RBFOX2: variants seen among roughly 807,000 people sequenced by gnomAD.
RBFOX2 encodes the protein RNA binding fox-1 homolog 2, also known as RNA binding protein fox-1 homolog 2.
RBFOX2 carries 10 observed loss-of-function variants against 49.1 expected under a neutral mutation model. The ratio of observed to expected loss-of-function variants is 0.20; its 90% CI spans 0.13 to 0.35. RBFOX2 has a LOEUF of 0.35. Among genes scored for constraint, RBFOX2 ranks in the 10% least tolerant of loss-of-function variants. RBFOX2 has a pLI of 1.00. For missense variants in RBFOX2, 323 were observed against 486.9 expected (o/e 0.66, Z 3.17); for synonymous variants, 183 against 187.4 (o/e 0.98, Z 0.19).
At chr22:35,868,134 C>T (rs991780168) in intron 1 of RBFOX2, among the ~76,000 whole-genome samples, 1 of 152,050 alleles carries the variant, frequency 6.6e-6, no homozygotes, top group Non-Finnish European at 1.5e-5. Context: ...AAACCTGAGC[C>T]CAGAAAGTTG....
chr22:35,990,957 G>A (rs1253694558), intron 1 of RBFOX2, among the ~76,000 whole-genome samples: 2 of 151,958 alleles, frequency 1.3e-5, no homozygotes, highest in Non-Finnish European at 2.9e-5. Context: ...AGGAGAACAA[G>A]GAACACCGAA....
intron 3 of RBFOX2, among the ~76,000 whole-genome samples, chr22:35,780,265 C>A (rs1222091504): frequency 6.6e-6 from 1 of 151,880 alleles, no homozygotes; most frequent in Non-Finnish European, 1.5e-5. Flanking sequence ...AGTGTCTTGT[C>A]ACCGTGAAGT....
chr22:35,812,176 G>C (rs999439203), intron 1 of RBFOX2, among the ~76,000 whole-genome samples: 4 of 151,320 alleles, frequency 2.6e-5, no homozygotes, highest in African/African-American at 9.7e-5. Context: ...CAGGAGAATC[G>C]CTTGAACTCA....
At chr22:35,876,701 AACACACACAC>A (rs142455818) in intron 1 of RBFOX2, among the ~76,000 whole-genome samples, 57 of 140,554 alleles carry the variant, frequency 4.1e-4, no homozygotes, top group Non-Finnish European at 5.5e-4. Flanking sequence ...CATTAAAAGA[AACACACACAC>A]ACACACACAC....
chr22:36,011,404 A>T (rs1411022708), intron 1 of RBFOX2, among the ~76,000 whole-genome samples: 1 of 152,206 alleles, frequency 6.6e-6, no homozygotes. Context: ...GTCCTGTACT[A>T]ATCAGTCATC....
intron 2 of RBFOX2, among the ~76,000 whole-genome samples, chr22:35,798,312 G>A (rs936370454): frequency 6.6e-6 from 1 of 152,192 alleles, no homozygotes; most frequent in Non-Finnish European, 1.5e-5. Flanking sequence ...TAGGTTCATT[G>A]AGGGCAGGGG....
chr22:35,760,746 A>G (rs1938519168), intron 8 of RBFOX2, among the ~76,000 whole-genome samples: 1 of 152,172 alleles, frequency 6.6e-6, no homozygotes, highest in East Asian at 1.9e-4. Flanking sequence ...ATGTCCACTG[A>G]ATCCTGTTTA....
At chr22:35,848,673 T>C (rs1270386253) in intron 1 of RBFOX2, among the ~76,000 whole-genome samples, 1 of 152,122 alleles carries the variant, frequency 6.6e-6, no homozygotes, top group Non-Finnish European at 1.5e-5. Context: ...ATTAGAGAAA[T>C]GGCTATTTGA....
chr22:36,022,411 G>T (rs775424345), intron 1 of RBFOX2, among the ~76,000 whole-genome samples: 1 of 152,140 alleles, frequency 6.6e-6, no homozygotes, highest in Non-Finnish European at 1.5e-5. Context: ...AAAATGGGAG[G>T]GAGTTGGGAG....
intron 1 of RBFOX2, among the ~76,000 whole-genome samples, chr22:35,877,192 G>A (rs2045238373): frequency 6.6e-6 from 1 of 152,038 alleles, no homozygotes; most frequent in Non-Finnish European, 1.5e-5. Context: ...ACAAAGACAT[G>A]AAGATAAGGA....
intron 1 of RBFOX2, among the ~76,000 whole-genome samples, chr22:35,986,127 C>T (rs949363921): frequency 2.6e-5 from 4 of 152,126 alleles, no homozygotes; most frequent in African/African-American, 9.7e-5. Context: ...TCTGCCCACA[C>T]GAGCTTAATA....
intron 1 of RBFOX2, among the ~76,000 whole-genome samples, chr22:35,949,117 A>G (rs758464556): frequency 3.9e-4 from 60 of 152,146 alleles, no homozygotes; most frequent in Non-Finnish European, 5.7e-4. Flanking sequence ...CTCACTTACC[A>G]TATCTTTGTG....
intron 1 of RBFOX2, among the ~76,000 whole-genome samples, chr22:35,828,926 C>G (rs1198102572): frequency 6.6e-6 from 1 of 152,108 alleles, no homozygotes; most frequent in Non-Finnish European, 1.5e-5. Flanking sequence ...TGGTACGCAC[C>G]TGTAATCCCA....
At chr22:35,853,658 CGTGTGTGTGTGTGTGT>C (rs36048607) in intron 1 of RBFOX2, among the ~76,000 whole-genome samples, 227 of 141,140 alleles carry the variant, frequency 1.6e-3, no homozygotes, top group African/African-American at 5.4e-3. Context: ...TATATACACA[CGTGTGTGTGTGTGTGT>C]GTGTGTGTGT....
intron 1 of RBFOX2, among the ~76,000 whole-genome samples, chr22:35,921,742 A>G (rs964689580): frequency 7.4e-4 from 113 of 152,244 alleles, no homozygotes; most frequent in African/African-American, 2.5e-3. Context: ...TGGTTCCAGC[A>G]TGGGAGAAAA....
chr22:36,022,000 C>T (rs2059263281), intron 1 of RBFOX2, among the ~76,000 whole-genome samples: 1 of 152,212 alleles, frequency 6.6e-6, no homozygotes, highest in Non-Finnish European at 1.5e-5. Context: ...TGCTCATGCT[C>T]CAATTACTGC....
intron 1 of RBFOX2, among the ~76,000 whole-genome samples, chr22:35,814,134 G>A (rs1026749445): frequency 1.3e-5 from 2 of 152,090 alleles, no homozygotes; most frequent in African/African-American, 4.8e-5. Flanking sequence ...CAGCCTTTTG[G>A]TGTACAATGT....
intron 1 of RBFOX2, among the ~76,000 whole-genome samples, chr22:35,956,875 G>T (rs1358253997): frequency 6.6e-6 from 1 of 152,154 alleles, no homozygotes; most frequent in African/African-American, 2.4e-5. Flanking sequence ...ACCGAGGATG[G>T]AGAATTAGTA....
chr22:35,806,931 G>A (rs1300619586), intron 2 of RBFOX2, among the ~76,000 whole-genome samples: 1 of 152,094 alleles, frequency 6.6e-6, no homozygotes, highest in Non-Finnish European at 1.5e-5. Flanking sequence ...CAGCCTCTGA[G>A]TAGCTGGGAT....
Sources: allele counts gnomAD v4.1 joint callset (sites outside exome capture counted in the v4.1 genomes callset), GRCh38; gene constraint gnomAD v4.1.1; transcripts MANE v1.5; gene names NCBI Gene and HGNC (gene_info 2026-07-23, HGNC 2026-07-21).